RXRA: variants seen among roughly 807,000 people sequenced by gnomAD.
RXRA encodes the protein retinoic acid receptor RXR-alpha.
In RXRA, 5 loss-of-function variants were observed where a neutral mutation model predicts 44.5. The observed-to-expected ratio is 0.11, with a 90% CI of 0.06 to 0.24. The LOEUF (loss-of-function observed/expected upper bound fraction) is 0.24. Ranked by LOEUF, RXRA falls within the 10% of genes least tolerant of loss-of-function variation. The pLI is 1.00. For synonymous variants in RXRA, 291 were observed against 271.4 expected (o/e 1.07, Z -0.71); for missense variants, 412 against 646.5 (o/e 0.64, Z 3.93).
rs143123296 is a variant in RXRA at position 134,401,463 on chromosome 9, C to A, written c.29-169C>A. On this transcript the variant is annotated intron_variant, in intron 1 of 9. Transcript: ENST00000481739. Reference sequence around the variant, plus strand: ...AGGGGAGCTCTGGGCACACCTGGCCCGTAGTGAGTGTGAATTTGCGTCAGA... The same window carrying A: ...AGGGGAGCTCTGGGCACACCTGGCCAGTAGTGAGTGTGAATTTGCGTCAGA... 3.8e-5 allele frequency: 39 copies of A among 1,020,822 alleles called. No homozygotes were observed. The Admixed American group carries it at 5.6e-4, about 15-fold the overall frequency. The allele number at this position is 1,020,822 out of a possible 1,614,324, so 63.2% of individuals were successfully genotyped here.
intron 1 of RXRA, among the ~76,000 whole-genome samples, chr9:134,379,035 C>T (rs1564277116): frequency 6.6e-6 from 1 of 152,228 alleles, no homozygotes; most frequent in Non-Finnish European, 1.5e-5. Context: ...ACCCATTTGT[C>T]AGTCAGCAAA....
At chr9:134,401,324 C>T in intron 1 of RXRA, 1 of 420,126 alleles carries the variant, frequency 2.4e-6, no homozygotes, top group Non-Finnish European at 4.3e-6. Flanking sequence ...GCCTGGAGTG[C>T]TGAGGGTTGG....
intron 1 of RXRA, among the ~76,000 whole-genome samples, chr9:134,376,480 C>T (rs1359116261): frequency 3.6e-5 from 5 of 137,550 alleles, no homozygotes; most frequent in African/African-American, 1.3e-4. Flanking sequence ...CTTCTCTCTC[C>T]TCCCCTGCCG....
chr9:134,425,019 G>A (rs992748527), intron 6 of RXRA: 7 of 985,346 alleles, frequency 7.1e-6, no homozygotes, highest in Non-Finnish European at 1.2e-6. Context: ...GCAACGATGG[G>A]AATGGGTGCC....
At chr9:134,406,561 G>T (rs1831053641) in intron 2 of RXRA, among the ~76,000 whole-genome samples, 1 of 152,230 alleles carries the variant, frequency 6.6e-6, no homozygotes, top group African/African-American at 2.4e-5. Flanking sequence ...GGGGCCTCCA[G>T]TGCCTCCAAG....
chr9:134,379,203 G>C (rs563374316), intron 1 of RXRA: 40 of 916,720 alleles, frequency 4.4e-5, no homozygotes, highest in Non-Finnish European at 5.1e-5. Context: ...GGACCTGCTT[G>C]TCCGTGCTTA....
At position 134,439,081 on chromosome 9, in the gene RXRA, T is replaced by C. The variant is rs1831683567; in HGVS notation, c.*2467T>C. The C allele has an allele frequency of 1.3e-5, 2 of 152,372 alleles. No individual in the cohort carries two copies. The highest frequency in any genetic ancestry group is 6.5e-5 in the Admixed American group (1 of 15,308). The allele number at this position is 152,372 out of a possible 1,614,324, so 9.4% of individuals were successfully genotyped here. On this transcript the variant is annotated 3_prime_UTR_variant, in exon 10 of 10. Transcript: ENST00000481739. Reference sequence around the variant, plus strand: ...ACTGAGTAGAGAGGTAGAATTTCTATTTAACCAGACCTGTAGTAGTATTAC... The same window carrying C: ...ACTGAGTAGAGAGGTAGAATTTCTACTTAACCAGACCTGTAGTAGTATTAC...
At chr9:134,356,836 C>T (rs1177870828) in intron 1 of RXRA, among the ~76,000 whole-genome samples, 6 of 152,186 alleles carry the variant, frequency 3.9e-5, no homozygotes, top group African/African-American at 1.4e-4. Flanking sequence ...CCTGCCCCAG[C>T]CTCACCCTGC....
rs750655035 is a variant in RXRA, at chr9:134,417,305, A to T, written c.758A>T (p.Asn253Ile). ...AAGACCGAGACCTACGTGGAGGCAA[A>T]CATGGGGCTGAACCCCAGCTCGGTG... Reference protein sequence around the residue: ...EPKTETYVEANMGLNPSSPND... With the variant: ...EPKTETYVEAIMGLNPSSPND... The change falls in exon 5 of 10, where the codon AAC becomes ATC. Residue 253 changes from asparagine to isoleucine, a missense_variant. This residue lies in a region of RXRA where 67 missense variants were observed against 78.7 expected (regional missense o/e 0.85). Coordinates refer to ENST00000481739, the MANE Select transcript of RXRA (RefSeq NM_002957.6). This position sits in a 1 kb window ranked among gnomAD's most constrained non-coding sequence, Gnocchi z 6.1. The T allele has an allele frequency of 5.6e-6, 9 of 1,613,722 alleles. No homozygotes were observed. Among genetic ancestry groups the T allele is most frequent in the Non-Finnish European group, 7.6e-6 (9 of 1,179,956 alleles).
intron 1 of RXRA, among the ~76,000 whole-genome samples, chr9:134,339,970 C>T (rs7042417): frequency 0.12 from 17,527 of 152,064 alleles, 1,065 homozygotes; most frequent in South Asian, 0.16. Context: ...TGTCTGTGTG[C>T]ACCCGTGCAT....
At chr9:134,400,516 G>A (rs1830942442) in intron 1 of RXRA, among the ~76,000 whole-genome samples, 2 of 152,316 alleles carry the variant, frequency 1.3e-5, no homozygotes, top group South Asian at 2.1e-4. Context: ...CCAGCCCGTC[G>A]GAGATAGGGT....
intron 1 of RXRA, among the ~76,000 whole-genome samples, chr9:134,383,736 C>T (rs372154705): frequency 6.6e-5 from 10 of 152,236 alleles, no homozygotes; most frequent in East Asian, 1.9e-4. Context: ...AATAAAGCTT[C>T]GACCTGGGCT....
chr9:134,426,192 A>G lies in RXRA; in HGVS notation c.911-2916A>G. 2.0e-6 allele frequency: 2 copies of G among 985,424 alleles called. No homozygotes were observed. Among genetic ancestry groups the G allele is most frequent in the Non-Finnish European group, 2.4e-6 (2 of 829,926 alleles). The allele number at this position is 985,424 out of a possible 1,614,324, so 61.0% of individuals were successfully genotyped here. A position where few individuals can be genotyped will look rare whatever the true frequency, so the allele number is the denominator to read the frequency against. On this transcript the variant is annotated intron_variant, in intron 6 of 9. Coordinates refer to ENST00000481739, the MANE Select transcript of RXRA (RefSeq NM_002957.6). The surrounding 1 kb of genome is among the most constrained non-coding windows in gnomAD (Gnocchi z 4.6). ...CTTGGAGCCTGGAGTAAGACCTGGT[A>G]TCCTCTGCATCACTGAGGTCCTCCT...
rs1554748348 is a variant in RXRA, at chr9:134,343,652, C to G, written c.28+16993C>G. Among the ~76,000 whole-genome samples the G allele has an allele frequency of 6.6e-6, 1 of 152,118 alleles. No homozygotes were observed. The highest frequency in any genetic ancestry group is 1.5e-5 in the Non-Finnish European group (1 of 67,994). ...AGGGGTCACGTCCCCTGCCCTGTCC[C>G]CATCTTGCTCAGTGGCCAGAGGAGA... On this transcript the variant is annotated intron_variant, in intron 1 of 9. Transcript: ENST00000481739. The surrounding 1 kb of genome is among the most constrained non-coding windows in gnomAD (Gnocchi z 4.1).
At chr9:134,345,747 C>T (rs917291862) in intron 1 of RXRA, among the ~76,000 whole-genome samples, 17 of 152,186 alleles carry the variant, frequency 1.1e-4, no homozygotes, top group African/African-American at 3.6e-4. Flanking sequence ...CAGCCCCAGC[C>T]GTGCCATTGT....
intron 1 of RXRA, among the ~76,000 whole-genome samples, chr9:134,356,214 C>T (rs767561867): frequency 1.3e-5 from 2 of 152,132 alleles, no homozygotes; most frequent in Non-Finnish European, 2.9e-5. Flanking sequence ...TGCCCCAGCC[C>T]TGCAAGGGAG....
chr9:134,358,356 C>T (rs1830309296), intron 1 of RXRA, among the ~76,000 whole-genome samples: 1 of 152,254 alleles, frequency 6.6e-6, no homozygotes, highest in South Asian at 2.1e-4. Context: ...GCCAACAGGC[C>T]TCCCTCAGCC....
At chr9:134,328,689 C>T (rs1201555455) in intron 1 of RXRA, among the ~76,000 whole-genome samples, 1 of 152,234 alleles carries the variant, frequency 6.6e-6, no homozygotes, top group Non-Finnish European at 1.5e-5. Context: ...ACAGCCTAAT[C>T]CCTCCTCGGG....
intron 1 of RXRA, among the ~76,000 whole-genome samples, chr9:134,348,685 C>T (rs1338262702): frequency 1.3e-5 from 2 of 152,230 alleles, no homozygotes; most frequent in Non-Finnish European, 1.5e-5. Context: ...ACGCCCTGTC[C>T]TCGGGGTCCT....
Sources: gnomAD v4.1 joint callset for allele counts (sites outside exome capture counted in the v4.1 genomes callset) on GRCh38, gnomAD v4.1.1 for gene constraint, gnomAD v4.1.1 regional missense constraint, Gnocchi (gnomAD v3.1) non-coding constraint, MANE v1.5 for transcripts, NCBI Gene and HGNC (gene_info 2026-07-23, HGNC 2026-07-21) for gene names.